Variants in DLGAP2 observed in about 807,000 individuals in gnomAD.
DLGAP2 encodes DLG associated protein 2.
In DLGAP2, 26 loss-of-function variants were observed where a neutral mutation model predicts 100.3. That is an observed-to-expected ratio of 0.26 (90% CI 0.19 to 0.36). DLGAP2 has a LOEUF of 0.36. Ranked by LOEUF, DLGAP2 falls within the 10% of genes least tolerant of loss-of-function variation. The pLI is 1.00. For missense variants in DLGAP2, 1,858 were observed against 1,453.2 expected (o/e 1.28, Z -4.53); for synonymous variants, 886 against 630.1 (o/e 1.41, Z -6.08).
At chr8:1,681,947 C>T (rs12114526) in intron 12 of DLGAP2, among the ~76,000 whole-genome samples, 1 of 136,948 alleles carries the variant, frequency 7.3e-6, no homozygotes, top group African/African-American at 3.6e-5. Context: ...GCTCTGCCTT[C>T]CCAGCAGTGA....
rs567451595 is a variant in DLGAP2, at chr8:1,647,488, CAAAAAAAAAAAAAAAAAA to C, written c.1810+14463_1810+14480del. Among the ~76,000 whole-genome samples the C allele has an allele frequency of 5.3e-4, 24 of 44,980 alleles. 1 individual carries two copies. The highest frequency in any genetic ancestry group is 3.2e-3 in the South Asian group (5 of 1,542). The allele number at this position is 44,980 out of a possible 152,430, so 29.5% of individuals were successfully genotyped here. A position where few individuals can be genotyped will look rare whatever the true frequency, so the allele number is the denominator to read the frequency against. ...TGGGAGACAGAGAGAGACTCTGTCT[CAAAAAAAAAAAAAAAAAA>C]AAAAAAAAAAAAAAAAAAAAGTGCA... On this transcript the variant is annotated intron_variant, in intron 8 of 14. Coordinates refer to ENST00000637795, the MANE Select transcript of DLGAP2 (RefSeq NM_001346810.2).
At chr8:1,544,381 C>T (rs1801461981) in intron 4 of DLGAP2, among the ~76,000 whole-genome samples, 1 of 152,198 alleles carries the variant, frequency 6.6e-6, no homozygotes, top group South Asian at 2.1e-4. Flanking sequence ...TGAAAGTGGG[C>T]ATCCTTGTCT....
intron 2 of DLGAP2, among the ~76,000 whole-genome samples, chr8:961,305 G>A (rs1262497937): frequency 6.7e-6 from 1 of 148,776 alleles, no homozygotes; most frequent in East Asian, 1.9e-4. Context: ...TCAGGAAAAT[G>A]AGTTCCATCA....
Position 1,243,653 on chromosome 8 carries a change from C to T in DLGAP2, c.74-15198C>T, listed in dbSNP as rs115825391. ...TAAAGAGGATTCATGGCACGGTTCCCATGTCCCATACTCGGTGGGGCTGGA... is the reference window on the plus strand; with the variant it reads ...TAAAGAGGATTCATGGCACGGTTCCTATGTCCCATACTCGGTGGGGCTGGA... On this transcript the variant is annotated intron_variant, in intron 2 of 14. Coordinates refer to ENST00000637795, the MANE Select transcript of DLGAP2 (RefSeq NM_001346810.2). Among the ~76,000 whole-genome samples, 1,000 of 152,194 alleles carry T rather than the reference C, an allele frequency of 6.6e-3. 17 individuals carry two copies. The highest frequency in any genetic ancestry group is 0.023 in the African/African-American group (973 of 41,506).
chr8:1,178,110 C>A (rs10109717), intron 2 of DLGAP2, among the ~76,000 whole-genome samples: 4 of 151,898 alleles, frequency 2.6e-5, no homozygotes, highest in East Asian at 1.9e-4. Flanking sequence ...GAGTCATTAC[C>A]CCAGAATCCA....
At chr8:1,420,852 C>T (rs947464610) in intron 3 of DLGAP2, among the ~76,000 whole-genome samples, 1 of 152,160 alleles carries the variant, frequency 6.6e-6, no homozygotes, top group Admixed American at 6.5e-5. Flanking sequence ...GGTGCTTCCC[C>T]ATCTGCGCAG....
chr8:976,014 T>G (rs1277916053), intron 2 of DLGAP2, among the ~76,000 whole-genome samples: 2 of 152,202 alleles, frequency 1.3e-5, no homozygotes, highest in African/African-American at 4.8e-5. Flanking sequence ...GATACAAGGT[T>G]ATTATACAGA....
At chr8:1,479,238 C>T (rs1799021672) in intron 3 of DLGAP2, among the ~76,000 whole-genome samples, 1 of 152,208 alleles carries the variant, frequency 6.6e-6, no homozygotes, top group Non-Finnish European at 1.5e-5. Context: ...AACTGCAGGA[C>T]TTCCTGACCT....
chr8:874,758 C>A (rs1434680579), intron 1 of DLGAP2, among the ~76,000 whole-genome samples: 1 of 152,150 alleles, frequency 6.6e-6, no homozygotes, highest in African/African-American at 2.4e-5. Context: ...CAAGCCTTCT[C>A]TTTCCTTGTT....
rs529690278 is a variant in DLGAP2 at position 1,050,635 on chromosome 8, A to G, written c.73+142669A>G. On this transcript the variant is annotated intron_variant, in intron 2 of 14. Coordinates refer to ENST00000637795, the MANE Select transcript of DLGAP2 (RefSeq NM_001346810.2). ...CTACAGGAATAGCTAATTGCATCCC[A>G]TGTACATGGGATAATTCTTCCAACC... Among the ~76,000 whole-genome samples the G allele has an allele frequency of 3.3e-5, 5 of 152,336 alleles. No homozygotes were observed. The East Asian group carries it at 7.7e-4, about 24-fold the overall frequency.
intron 1 of DLGAP2, among the ~76,000 whole-genome samples, chr8:796,567 C>T (rs1796041214): frequency 2.0e-5 from 3 of 152,320 alleles, no homozygotes; most frequent in East Asian, 3.9e-4. Context: ...GCTTACTGGC[C>T]TTCCTTGGTC....
chr8:983,150 T>C (rs553423109), intron 2 of DLGAP2, among the ~76,000 whole-genome samples: 1 of 152,236 alleles, frequency 6.6e-6, no homozygotes, highest in African/African-American at 2.4e-5. Flanking sequence ...CCCATTTAGA[T>C]AATGTTCTCT....
intron 2 of DLGAP2, among the ~76,000 whole-genome samples, chr8:1,030,437 G>T (rs1047881622): frequency 6.6e-6 from 1 of 152,198 alleles, no homozygotes; most frequent in African/African-American, 2.4e-5. Context: ...AGAATCCAAA[G>T]GTGCCTGGGC....
chr8:1,170,953 C>G (rs1797115709), intron 2 of DLGAP2, among the ~76,000 whole-genome samples: 2 of 150,862 alleles, frequency 1.3e-5, no homozygotes, highest in Admixed American at 6.6e-5. Flanking sequence ...TCTTGCTTCT[C>G]TAGTTCTTTT....
chr8:1,655,518 A>C (rs1585036814), intron 8 of DLGAP2, among the ~76,000 whole-genome samples: 1 of 152,256 alleles, frequency 6.6e-6, no homozygotes, highest in Non-Finnish European at 1.5e-5. Flanking sequence ...GCTAATTTTC[A>C]AATTCCCGTT....
In DLGAP2 at chr8:1,203,046, G is replaced by A. The variant is rs948596884; in HGVS notation, c.74-55805G>A. Among the ~76,000 whole-genome samples the A allele has an allele frequency of 1.4e-4, 22 of 152,304 alleles. 1 individual carries two copies. The highest frequency in any genetic ancestry group is 4.6e-4 in the African/African-American group (19 of 41,572). ...TCTGCCGGGCACCCACATCCACGCCGGTTCCGTAAGCTGCTCTCCGGCTCT... is the reference window on the plus strand; with the variant it reads ...TCTGCCGGGCACCCACATCCACGCCAGTTCCGTAAGCTGCTCTCCGGCTCT... On this transcript the variant is annotated intron_variant, in intron 2 of 14. Coordinates refer to ENST00000637795, the MANE Select transcript of DLGAP2 (RefSeq NM_001346810.2).
At chr8:916,670 G>A (rs1211130566) in intron 2 of DLGAP2, among the ~76,000 whole-genome samples, 1 of 152,130 alleles carries the variant, frequency 6.6e-6, no homozygotes, top group Non-Finnish European at 1.5e-5. Flanking sequence ...AAAAATTAAA[G>A]AAAATAAATT....
chr8:783,125 G>A (rs554778631), intron 1 of DLGAP2, among the ~76,000 whole-genome samples: 2 of 152,300 alleles, frequency 1.3e-5, no homozygotes, highest in South Asian at 4.1e-4. Flanking sequence ...CCAACACAAG[G>A]TCTGTAACCT....
At chr8:1,344,929 G>C (rs900987651) in intron 3 of DLGAP2, among the ~76,000 whole-genome samples, 1 of 152,192 alleles carries the variant, frequency 6.6e-6, no homozygotes, top group Non-Finnish European at 1.5e-5. Context: ...ACAGGGTCTT[G>C]GTGAAGAGGA....
Sources: gnomAD v4.1 joint callset for allele counts (sites outside exome capture counted in the v4.1 genomes callset) on GRCh38, gnomAD v4.1.1 for gene constraint, MANE v1.5 for transcripts, NCBI Gene and HGNC (gene_info 2026-07-23, HGNC 2026-07-21) for gene names.